PDZRN4: variants seen among roughly 807,000 people sequenced by gnomAD.
The protein encoded by PDZRN4 is PDZ domain-containing RING finger protein 4.
In PDZRN4, 70 loss-of-function variants were observed where a neutral mutation model predicts 99.0. That is an observed-to-expected ratio of 0.71 (90% CI 0.58 to 0.86). The LOEUF is 0.86. PDZRN4 is among the 40% of genes least tolerant of loss of function. The pLI, the probability that PDZRN4 is intolerant of heterozygous loss-of-function variation, is 0.00. For missense variants in PDZRN4, 1,474 were observed against 1,331.2 expected (o/e 1.11, Z -1.67); for synonymous variants, 551 against 501.6 (o/e 1.10, Z -1.32).
chr12:41,561,225 T>C (rs537139325), intron 7 of PDZRN4, among the ~76,000 whole-genome samples: 2 of 152,224 alleles, frequency 1.3e-5, no homozygotes, highest in African/African-American at 2.4e-5. Context: ...TTTACTACTA[T>C]GCATTTAATA....
At chr12:41,553,538 AAAAT>A (rs1565613448) in intron 6 of PDZRN4, among the ~76,000 whole-genome samples, 1 of 152,082 alleles carries the variant, frequency 6.6e-6, no homozygotes, top group Non-Finnish European at 1.5e-5. Flanking sequence ...AAAAAAAAAA[AAAAT>A]ATTTAGTCAG....
intron 3 of PDZRN4, among the ~76,000 whole-genome samples, chr12:41,358,817 G>A (rs1286718119): frequency 1.3e-5 from 2 of 151,876 alleles, no homozygotes; most frequent in African/African-American, 4.8e-5. Flanking sequence ...TTTACATATT[G>A]TGAGCACATG....
chr12:41,391,742 G>A (rs1952212515), intron 3 of PDZRN4, among the ~76,000 whole-genome samples: 1 of 151,818 alleles, frequency 6.6e-6, no homozygotes, highest in African/African-American at 2.4e-5. Flanking sequence ...TTCCTTTTTG[G>A]CCCCAGGTTC....
At chr12:41,205,807 G>T (rs999988380) in intron 3 of PDZRN4, among the ~76,000 whole-genome samples, 1 of 151,900 alleles carries the variant, frequency 6.6e-6, no homozygotes, top group African/African-American at 2.4e-5. Context: ...AAAAAGTGAA[G>T]TTATGCTCGA....
At chr12:41,495,044 T>C (rs1226061220) in intron 3 of PDZRN4, among the ~76,000 whole-genome samples, 1 of 152,148 alleles carries the variant, frequency 6.6e-6, no homozygotes, top group Admixed American at 6.6e-5. Context: ...ATATTCTCTT[T>C]GGTAACATAC....
intron 3 of PDZRN4, among the ~76,000 whole-genome samples, chr12:41,441,649 T>C (rs1242406390): frequency 6.6e-6 from 1 of 152,156 alleles, no homozygotes; most frequent in Non-Finnish European, 1.5e-5. Flanking sequence ...GTTTCTTGGA[T>C]CTCATATAAT....
chr12:41,286,040 G>T (rs1283199669), intron 3 of PDZRN4, among the ~76,000 whole-genome samples: 1 of 151,750 alleles, frequency 6.6e-6, no homozygotes, highest in African/African-American at 2.4e-5. Flanking sequence ...TACCAAAGTG[G>T]TCAATAAGAA....
chr12:41,264,479 T>C (rs1436413488), intron 3 of PDZRN4, among the ~76,000 whole-genome samples: 1 of 152,174 alleles, frequency 6.6e-6, no homozygotes, highest in Non-Finnish European at 1.5e-5. Flanking sequence ...GGCAATATAA[T>C]ATTGCTCTGA....
intron 3 of PDZRN4, among the ~76,000 whole-genome samples, chr12:41,410,419 TA>T (rs1378949940): frequency 6.6e-6 from 1 of 152,226 alleles, no homozygotes; most frequent in Non-Finnish European, 1.5e-5. Context: ...AGTCTGCCTT[TA>T]AATATAAGCT....
chr12:41,478,908 A>G (rs972192148), intron 3 of PDZRN4, among the ~76,000 whole-genome samples: 20 of 152,350 alleles, frequency 1.3e-4, no homozygotes, highest in African/African-American at 4.8e-4. Context: ...ACAAAGCTTC[A>G]GCATTTGTAG....
intron 5 of PDZRN4, among the ~76,000 whole-genome samples, chr12:41,535,759 T>C (rs1938738267): frequency 6.6e-6 from 1 of 152,158 alleles, no homozygotes; most frequent in African/African-American, 2.4e-5. Flanking sequence ...TCTGTCTCTC[T>C]TTTGCCCTCT....
At chr12:41,279,050 C>G (rs906959664) in intron 3 of PDZRN4, among the ~76,000 whole-genome samples, 1 of 152,128 alleles carries the variant, frequency 6.6e-6, no homozygotes, top group Non-Finnish European at 1.5e-5. Context: ...ATAAAAATAA[C>G]GATGTGCTAG....
chr12:41,360,183 T>C (rs1951954618), intron 3 of PDZRN4, among the ~76,000 whole-genome samples: 1 of 151,984 alleles, frequency 6.6e-6, no homozygotes, highest in African/African-American at 2.4e-5. Context: ...AGCATAGCTA[T>C]GCTATGCTAT....
chr12:41,447,308 C>T (rs1357970358), intron 3 of PDZRN4, among the ~76,000 whole-genome samples: 2 of 152,010 alleles, frequency 1.3e-5, no homozygotes, highest in Admixed American at 6.6e-5. Context: ...AGTTATGAGC[C>T]TCAGTGTTAA....
At chr12:41,332,159 G>C (rs551152697) in intron 3 of PDZRN4, among the ~76,000 whole-genome samples, 1 of 152,194 alleles carries the variant, frequency 6.6e-6, no homozygotes, top group South Asian at 2.1e-4. Context: ...ATTTTCTCCA[G>C]TTACACTCAA....
At chr12:41,215,565 T>C (rs1186972635) in intron 3 of PDZRN4, among the ~76,000 whole-genome samples, 1 of 152,046 alleles carries the variant, frequency 6.6e-6, no homozygotes, top group Non-Finnish European at 1.5e-5. Flanking sequence ...TACCTTTAGT[T>C]TTATTTGCAT....
chr12:41,306,503 G>A (rs1951570375), intron 3 of PDZRN4, among the ~76,000 whole-genome samples: 2 of 152,178 alleles, frequency 1.3e-5, no homozygotes, highest in African/African-American at 2.4e-5. Flanking sequence ...AGCTGGCAAT[G>A]TTTCGACTGG....
chr12:41,373,171 AC>A, intron 3 of PDZRN4, among the ~76,000 whole-genome samples: 1 of 152,034 alleles, frequency 6.6e-6, no homozygotes, highest in Non-Finnish European at 1.5e-5. Flanking sequence ...CACAAGGCAA[AC>A]GGAGGCAGGG....
chr12:41,555,078 A>T (rs1234065388), intron 6 of PDZRN4, among the ~76,000 whole-genome samples: 2 of 102,210 alleles, frequency 2.0e-5, no homozygotes, highest in Non-Finnish European at 4.3e-5. Context: ...AAAAAAAAAA[A>T]AAATTAGCCA....
Sources: gnomAD v4.1 joint callset for allele counts (sites outside exome capture counted in the v4.1 genomes callset) on GRCh38, gnomAD v4.1.1 for gene constraint, MANE v1.5 for transcripts, NCBI Gene and HGNC (gene_info 2026-07-23, HGNC 2026-07-21) for gene names.